Variants in PCDHA12 observed in about 807,000 individuals in gnomAD.
PCDHA12 encodes the protein protocadherin alpha-12.
A neutral mutation model predicts 60.0 loss-of-function variants in PCDHA12; 44 were observed. That is an observed-to-expected ratio of 0.73 (90% CI 0.58 to 0.94). PCDHA12 has a LOEUF of 0.94. Among genes scored for constraint, PCDHA12 ranks in the 40% least tolerant of loss-of-function variants. The pLI is 0.00. For missense variants in PCDHA12, 1,276 were observed against 1,239.7 expected (o/e 1.03, Z -0.44); for synonymous variants, 569 against 553.0 (o/e 1.03, Z -0.40).
At chr5:140,997,604 G>A (rs1271144424) in intron 3 of PCDHA12, among the ~76,000 whole-genome samples, 2 of 152,136 alleles carry the variant, frequency 1.3e-5, no homozygotes, top group East Asian at 1.9e-4. Flanking sequence ...ATTATGGGGC[G>A]CATGACTATA....
intron 1 of PCDHA12, chr5:140,927,252 C>A: frequency 6.2e-7 from 1 of 1,614,134 alleles, no homozygotes; most frequent in Non-Finnish European, 8.5e-7. Flanking sequence ...CCAATGACAA[C>A]TCACCTCTCT....
At chr5:140,967,702 C>T (rs1563368615) in intron 1 of PCDHA12, 3 of 1,614,162 alleles carry the variant, frequency 1.9e-6, no homozygotes, top group Middle Eastern at 3.3e-4. Flanking sequence ...GCATAGATGC[C>T]AGTACCGGGG....
At chr5:140,939,973 A>G (rs782675791) in intron 1 of PCDHA12, among the ~76,000 whole-genome samples, 4 of 152,234 alleles carry the variant, frequency 2.6e-5, no homozygotes, top group Non-Finnish European at 4.4e-5. Flanking sequence ...TCCACGATGA[A>G]TAGTGAATTG....
intron 2 of PCDHA12, 125 bp downstream of exon 2, chr5:140,979,132 A>T: frequency 4.8e-6 from 7 of 1,471,500 alleles, no homozygotes; most frequent in Non-Finnish European, 6.3e-6. Context: ...TGCCAGGAAA[A>T]TGCAATTATT....
intron 1 of PCDHA12, among the ~76,000 whole-genome samples, chr5:140,896,352 A>G (rs1045413506): frequency 2.6e-5 from 4 of 152,166 alleles, no homozygotes; most frequent in African/African-American, 4.8e-5. Flanking sequence ...TCCCGCCAGC[A>G]GTGTATAAGC....
In PCDHA12 at chr5:140,875,902, G is replaced by C. The variant is rs192382804; in HGVS notation, c.430G>C (p.Glu144Gln). 8.7e-6 allele frequency: 14 copies of C among 1,614,160 alleles called. No homozygotes were observed. Among genetic ancestry groups the C allele is most frequent in the Non-Finnish European group, 1.2e-5 (14 of 1,180,016 alleles). Residue 144 changes from glutamate to glutamine, a missense_variant, in exon 1 of 4, where the codon GAA becomes CAA. Transcript: ENST00000398631. ...AAGGGAACAAAAGGTACCTGTTTCT[G>C]AATCTGCGCCTCTGGACTCTCATTT... Reference protein sequence around the residue: ...REREQKVPVSESAPLDSHFPL... With the variant: ...REREQKVPVSQSAPLDSHFPL...
intron 3 of PCDHA12, among the ~76,000 whole-genome samples, chr5:141,003,801 A>T (rs1554259323): frequency 1.3e-5 from 2 of 152,172 alleles, no homozygotes; most frequent in African/African-American, 4.8e-5. Context: ...ATTGGGTTGT[A>T]ATCTGTAGTC....
chr5:140,966,674 G>T, intron 1 of PCDHA12: 1 of 1,295,168 alleles, frequency 7.7e-7, no homozygotes, highest in Admixed American at 3.8e-5. Flanking sequence ...GGCGCAGGGT[G>T]GCACGAGCGG....
intron 1 of PCDHA12, among the ~76,000 whole-genome samples, chr5:140,950,519 A>G (rs1359001168): frequency 6.6e-6 from 1 of 152,034 alleles, no homozygotes; most frequent in Non-Finnish European, 1.5e-5. Flanking sequence ...TGTGTGCGAT[A>G]TGATTGTTTT....
chr5:141,002,080 C>A (rs1220737696), intron 3 of PCDHA12, among the ~76,000 whole-genome samples: 1 of 152,236 alleles, frequency 6.6e-6, no homozygotes, highest in Non-Finnish European at 1.5e-5. Context: ...CGCCAAAGAA[C>A]GAGCAGTCCA....
chr5:140,925,124 A>AGGAAGGAAGG (rs1554202565), intron 1 of PCDHA12, among the ~76,000 whole-genome samples: 1 of 151,854 alleles, frequency 6.6e-6, no homozygotes. Flanking sequence ...GAAGGAAGGA[A>AGGAAGGAAGG]AAAAAATTTC....
chr5:140,937,322 C>T (rs2091472402), intron 1 of PCDHA12, among the ~76,000 whole-genome samples: 1 of 152,084 alleles, frequency 6.6e-6, no homozygotes, highest in Non-Finnish European at 1.5e-5. Context: ...CAGGCGTGAG[C>T]CACCGCGCCC....
At chr5:140,894,989 C>T (rs1446674371) in intron 1 of PCDHA12, among the ~76,000 whole-genome samples, 2 of 152,110 alleles carry the variant, frequency 1.3e-5, no homozygotes, top group Non-Finnish European at 2.9e-5. Context: ...TTGTGACATC[C>T]TTTACCCTTT....
chr5:140,966,699 C>A, intron 1 of PCDHA12: 1 of 1,361,588 alleles, frequency 7.3e-7, no homozygotes, highest in Non-Finnish European at 9.4e-7. Context: ...GGGGCCCGGG[C>A]GTGGGGCACG....
chr5:140,963,932 A>C (rs564788639), intron 1 of PCDHA12, among the ~76,000 whole-genome samples: 74 of 152,352 alleles, frequency 4.9e-4, no homozygotes, highest in African/African-American at 1.6e-3. Context: ...ACATGTCCAT[A>C]GCCAAACAGT....
intron 1 of PCDHA12, among the ~76,000 whole-genome samples, chr5:140,935,679 T>C (rs2090497566): frequency 6.6e-6 from 1 of 152,190 alleles, no homozygotes; most frequent in South Asian, 2.1e-4. Context: ...GTGAAATATT[T>C]ACATGGCTCC....
At chr5:140,981,939 A>G (rs765176340) in intron 2 of PCDHA12, among the ~76,000 whole-genome samples, 1 of 152,180 alleles carries the variant, frequency 6.6e-6, no homozygotes, top group Non-Finnish European at 1.5e-5. Context: ...CTCAGGAAAT[A>G]TAGGGTGGGT....
chr5:141,009,935 T>C lies in PCDHA12; in HGVS notation c.2824T>C (p.Ter942ArgextTer53). The change falls in exon 4 of 4, where the codon TGA (stop) becomes CGA (arginine). Residue 942 changes from the stop codon to arginine, a stop_lost. Coordinates refer to ENST00000398631, the MANE Select transcript of PCDHA12 (RefSeq NM_018903.4). ...CAGCACGACTGACAACAGTGACCAG[T>C]GAGGTCCTCAAATGGAAACAAGCCA... ...GNSTTDNSDQ[*>R] 1.2e-6 allele frequency: 2 copies of C among 1,602,416 alleles called. No homozygotes were observed. The highest frequency in any genetic ancestry group is 1.7e-6 in the Non-Finnish European group (2 of 1,176,054).
chr5:140,910,257 A>G (rs1428252762), intron 1 of PCDHA12, among the ~76,000 whole-genome samples: 1 of 152,202 alleles, frequency 6.6e-6, no homozygotes, highest in East Asian at 1.9e-4. Flanking sequence ...TAGGCTTCCT[A>G]TCATTTTCAC....
Sources: allele counts gnomAD v4.1 joint callset (sites outside exome capture counted in the v4.1 genomes callset), GRCh38; gene constraint gnomAD v4.1.1; transcripts MANE v1.5; gene names NCBI Gene and HGNC (gene_info 2026-07-23, HGNC 2026-07-21).